Variants in PTPRN2 observed in about 807,000 individuals in gnomAD.
The protein encoded by PTPRN2 is receptor-type tyrosine-protein phosphatase N2.
PTPRN2 carries 74 observed loss-of-function variants against 118.8 expected under a neutral mutation model. The ratio of observed to expected loss-of-function variants is 0.62; its 90% CI spans 0.52 to 0.76. The LOEUF (loss-of-function observed/expected upper bound fraction) is 0.76. Among genes scored for constraint, PTPRN2 ranks in the 30% least tolerant of loss-of-function variants. The pLI, the probability that PTPRN2 is intolerant of heterozygous loss-of-function variation, is 0.00. For synonymous variants in PTPRN2, 641 were observed against 608.0 expected (o/e 1.05, Z -0.80); for missense variants, 1,481 against 1,394.4 (o/e 1.06, Z -0.99).
intron 11 of PTPRN2, among the ~76,000 whole-genome samples, chr7:158,037,278 G>A (rs1038765957): frequency 6.6e-6 from 1 of 152,186 alleles, no homozygotes; most frequent in African/African-American, 2.4e-5. Flanking sequence ...GAAGTGGATG[G>A]GAAGACCAAA....
At chr7:157,884,158 C>A (rs1156891212) in intron 12 of PTPRN2, among the ~76,000 whole-genome samples, 2 of 151,876 alleles carry the variant, frequency 1.3e-5, no homozygotes, top group Admixed American at 6.6e-5. Flanking sequence ...GAACATACCA[C>A]CCCAAAATGA....
intron 2 of PTPRN2, among the ~76,000 whole-genome samples, chr7:158,407,174 TCCTGC>T (rs1563254336): frequency 5.7e-5 from 5 of 87,038 alleles, no homozygotes; most frequent in South Asian, 6.7e-4. Context: ...GGGTCCTGCG[TCCTGC>T]GTCCTGGGTC....
intron 21 of PTPRN2, among the ~76,000 whole-genome samples, chr7:157,568,651 C>T (rs1160106799): frequency 6.6e-6 from 1 of 152,112 alleles, no homozygotes; most frequent in Non-Finnish European, 1.5e-5. Context: ...TAACAAAGGA[C>T]CCAGTGCATG....
At chr7:157,701,025 A>G (rs1228881234) in intron 12 of PTPRN2, among the ~76,000 whole-genome samples, 1 of 152,258 alleles carries the variant, frequency 6.6e-6, no homozygotes, top group Non-Finnish European at 1.5e-5. Flanking sequence ...GAGACAGGCG[A>G]GTACTTTCTA....
intron 12 of PTPRN2, among the ~76,000 whole-genome samples, chr7:157,855,295 C>T (rs774007216): frequency 1.2e-4 from 19 of 152,288 alleles, no homozygotes; most frequent in South Asian, 8.3e-4. Context: ...CCCCAACCCA[C>T]GCGCCGGCTT....
At position 158,093,950 on chromosome 7, in the gene PTPRN2, A is replaced by G. The variant is rs1434951942; in HGVS notation, c.1644-12573T>C. On this transcript the variant is annotated intron_variant, in intron 10 of 22. Transcript: ENST00000389418. This position sits in a 1 kb window ranked among gnomAD's most constrained non-coding sequence, Gnocchi z 4.4. Reference sequence around the variant, plus strand: ...TAATGATGCTTTATTTTCTTAAAGCATTGAGCAACTGCATCACTGTGCAGA... The same window carrying G: ...TAATGATGCTTTATTTTCTTAAAGCGTTGAGCAACTGCATCACTGTGCAGA... Among the ~76,000 whole-genome samples, 1 of 152,260 alleles carries G rather than the reference A, an allele frequency of 6.6e-6. No homozygotes were observed. Among genetic ancestry groups the G allele is most frequent in the Non-Finnish European group, 1.5e-5 (1 of 68,042 alleles).
intron 13 of PTPRN2, among the ~76,000 whole-genome samples, chr7:157,657,708 C>T (rs1795639303): frequency 1.5e-5 from 1 of 67,442 alleles, no homozygotes; most frequent in Admixed American, 1.7e-4. Context: ...CACACACATA[C>T]ACCCCACACA....
intron 6 of PTPRN2, among the ~76,000 whole-genome samples, chr7:158,161,135 A>G (rs1822321543): frequency 6.6e-6 from 1 of 152,214 alleles, no homozygotes. Context: ...TATTGTCAGC[A>G]TGTCAGTTCT....
intron 13 of PTPRN2, among the ~76,000 whole-genome samples, chr7:157,682,255 C>T (rs145988244): frequency 1.9e-4 from 29 of 152,208 alleles, no homozygotes; most frequent in Admixed American, 9.8e-4. Flanking sequence ...CCCTGGTCAG[C>T]GTTAGGCTTC....
At position 158,424,756 on chromosome 7, in the gene PTPRN2, G is replaced by A. The variant is rs906465909; in HGVS notation, c.163+64979C>T. Among the ~76,000 whole-genome samples, 4 of 152,032 alleles carry A rather than the reference G, an allele frequency of 2.6e-5. No homozygotes were observed. In the East Asian group the frequency reaches 7.7e-4, roughly 29 times the overall value. On this transcript the variant is annotated intron_variant, in intron 2 of 22. Transcript: ENST00000389418. ...CTCGAGAACATCTGGGGACCTCGGG[G>A]CCCACAGGCATTAACCATCAGCTTA... is the stretch of plus-strand genomic sequence containing the variant.
intron 12 of PTPRN2, among the ~76,000 whole-genome samples, chr7:157,853,567 T>C (rs1809453759): frequency 1.3e-5 from 2 of 152,020 alleles, no homozygotes; most frequent in South Asian, 4.2e-4. Flanking sequence ...GCCCACGGTC[T>C]TGGGGCACTT....
intron 2 of PTPRN2, among the ~76,000 whole-genome samples, chr7:158,452,891 C>G (rs1331151473): frequency 2.6e-5 from 4 of 152,218 alleles, no homozygotes; most frequent in African/African-American, 4.8e-5. Flanking sequence ...TACTCTGTTG[C>G]CCCGTGGCTC....
At chr7:158,209,080 T>TA (rs1420107268) in intron 3 of PTPRN2, among the ~76,000 whole-genome samples, 7 of 149,792 alleles carry the variant, frequency 4.7e-5, no homozygotes, top group Non-Finnish European at 1.0e-4. Context: ...AGCTAGAAAT[T>TA]AAAACATACC....
At position 157,705,334 on chromosome 7, in the gene PTPRN2, C is replaced by T. The variant is rs115467177; in HGVS notation, c.1789-22397G>A. ...ACAAAACACAACAAAACAAAACCCT[C>T]CATTTTCCAGACAGGCAAATGAAGC... On this transcript the variant is annotated intron_variant, in intron 12 of 22. Transcript: ENST00000389418. Among the ~76,000 whole-genome samples the T allele has an allele frequency of 8.7e-3, 1,331 of 152,252 alleles. 15 individuals are homozygous for T. The highest frequency in any genetic ancestry group is 0.03 in the African/African-American group (1,260 of 41,552).
At chr7:157,749,045 A>T (rs1801249990) in intron 12 of PTPRN2, among the ~76,000 whole-genome samples, 4 of 99,534 alleles carry the variant, frequency 4.0e-5, no homozygotes, top group Non-Finnish European at 5.9e-5. Flanking sequence ...GGTGATTCTG[A>T]GGCCTGCGTC....
chr7:158,434,751 A>T (rs1372922946), intron 2 of PTPRN2, among the ~76,000 whole-genome samples: 1 of 151,894 alleles, frequency 6.6e-6, no homozygotes, highest in Non-Finnish European at 1.5e-5. Context: ...TTCTGGATGG[A>T]GTATTTTTAT....
chr7:158,384,156 C>CTTGGCACACATGTCTAT (rs1358882024), intron 2 of PTPRN2, among the ~76,000 whole-genome samples: 1 of 152,210 alleles, frequency 6.6e-6, no homozygotes, highest in Non-Finnish European at 1.5e-5. Context: ...GCTCAAGGTA[C>CTTGGCACACATGTCTAT]TTGGCACACA....
chr7:157,705,045 C>T (rs1369949954), intron 12 of PTPRN2, among the ~76,000 whole-genome samples: 3 of 152,298 alleles, frequency 2.0e-5, no homozygotes, highest in South Asian at 2.1e-4. Context: ...TGGTGGCTCA[C>T]GCCTGTAATC....
chr7:157,569,140 A>G (rs1180864376), intron 20 of PTPRN2, among the ~76,000 whole-genome samples, 174 bp from the exon 21 acceptor site: 1 of 152,196 alleles, frequency 6.6e-6, no homozygotes, highest in African/African-American at 2.4e-5. Flanking sequence ...GTGAGGGGAG[A>G]AGGGAGGCCC....
Sources: allele counts gnomAD v4.1 joint callset (sites outside exome capture counted in the v4.1 genomes callset), GRCh38; gene constraint gnomAD v4.1.1; non-coding constraint Gnocchi (gnomAD v3.1); transcripts MANE v1.5; gene names NCBI Gene and HGNC (gene_info 2026-07-23, HGNC 2026-07-21).